EBI3: variants seen among roughly 807,000 people sequenced by gnomAD.
EBI3 encodes the protein Epstein-Barr virus induced 3.
In EBI3, 19 loss-of-function variants were observed where a neutral mutation model predicts 21.3. That is an observed-to-expected ratio of 0.89 (90% CI 0.62 to 1.31). The LOEUF (loss-of-function observed/expected upper bound fraction) is 1.31, where lower values mean the gene tolerates loss of function less well. Among genes scored for constraint, EBI3 ranks in the 50% most tolerant of loss-of-function variants. The pLI, the probability that EBI3 is intolerant of heterozygous loss-of-function variation, is 0.00. For synonymous variants in EBI3, 154 were observed against 131.2 expected (o/e 1.17, Z -1.19); for missense variants, 331 against 314.0 (o/e 1.05, Z -0.41).
rs1160636219 is a variant in EBI3, at chr19:4,233,156, C to T, written c.228C>T (p.Ser76=). The T allele has an allele frequency of 5.0e-6, 8 of 1,602,450 alleles. No homozygotes were observed. The highest frequency in any genetic ancestry group is 6.8e-6 in the Non-Finnish European group (8 of 1,178,718). ...YRLGMAARGH[S]WPCLQQTPTS... The stretch of plus-strand genomic sequence containing the variant: ...TCGGCATGGCTGCCCGGGGCCACAG[C>T]TGGCCCTGCCTGCAGCAGACGCCAA... The change falls in exon 3 of 5, where the codon AGC becomes AGT. Residue 76 remains serine, a synonymous_variant. Transcript: ENST00000221847.
intron 2 of EBI3, among the ~76,000 whole-genome samples, chr19:4,232,241 A>AAAAAAAAAG (rs1970790876): frequency 1.1e-5 from 1 of 93,486 alleles, no homozygotes; most frequent in Non-Finnish European, 2.1e-5. Flanking sequence ...AAAAAAAAAA[A>AAAAAAAAAG]AAAAGAAAAG....
Position 4,237,114 on chromosome 19 carries a change from A to G in EBI3, c.*26A>G. 1 of 1,468,406 alleles carries G rather than the reference A, an allele frequency of 6.8e-7. No homozygotes were observed. Among genetic ancestry groups the G allele is most frequent in the Non-Finnish European group, 9.1e-7 (1 of 1,101,006 alleles). 91.0% of individuals were successfully genotyped at this position (1,468,406 alleles called of 1,614,324 possible). A position where few individuals can be genotyped will look rare whatever the true frequency, so the allele number is the denominator to read the frequency against. On this transcript the variant is annotated 3_prime_UTR_variant, in exon 5 of 5. Coordinates refer to ENST00000221847, the MANE Select transcript of EBI3 (RefSeq NM_005755.3). ...CAAGGGCTTCCCGCTGCCTCCAGAC[A>G]GCACCTGGGTCCTCGCCACCCTAAG...
chr19:4,235,820 A>G (rs1351110061), intron 4 of EBI3, among the ~76,000 whole-genome samples: 1 of 152,168 alleles, frequency 6.6e-6, no homozygotes, highest in Non-Finnish European at 1.5e-5. Flanking sequence ...CCCCAGTTAC[A>G]AGAGGCTGAG....
chr19:4,234,550 G>A (rs1023483077), intron 3 of EBI3, 117 bp from the exon 4 acceptor site: 3 of 1,469,420 alleles, frequency 2.0e-6, no homozygotes, highest in Non-Finnish European at 2.7e-6. Context: ...GTGACAGAGT[G>A]AGACTCCGTT....
At chr19:4,229,714 C>CCGTG in intron 1 of EBI3, 97 bp downstream of exon 1, 1 of 1,298,084 alleles carries the variant, frequency 7.7e-7, no homozygotes. Flanking sequence ...TCACATCCTC[C>CCGTG]CGTGCCCAAT....
chr19:4,237,105 C>T lies in EBI3; in HGVS notation c.*17C>T, dbSNP rs1970847439. The T allele has an allele frequency of 6.7e-7, 1 of 1,489,626 alleles. No homozygotes were observed. Among genetic ancestry groups the T allele is most frequent in the Non-Finnish European group, 9.0e-7 (1 of 1,113,356 alleles). The allele number at this position is 1,489,626 out of a possible 1,614,324, so 92.3% of individuals were successfully genotyped here. ...GGCAAGTAGCAAGGGCTTCCCGCTG[C>T]CTCCAGACAGCACCTGGGTCCTCGC... is the stretch of plus-strand genomic sequence containing the variant. On this transcript the variant is annotated 3_prime_UTR_variant, in exon 5 of 5. Coordinates refer to ENST00000221847, the MANE Select transcript of EBI3 (RefSeq NM_005755.3).
In EBI3 at chr19:4,233,105, C is replaced by T; in HGVS notation, c.201-24C>T. 2.6e-6 allele frequency: 4 copies of T among 1,547,314 alleles called. 1 individual carries two copies. Among genetic ancestry groups the T allele is most frequent in the Non-Finnish European group, 3.5e-6 (4 of 1,155,096 alleles). ...GAGGCCACAGGCACTCCCTGAGGCG[C>T]TCAGCGAGCCCCACCCTGTGCAGGC... On this transcript the variant is annotated intron_variant, in intron 2 of 4. Transcript: ENST00000221847.
rs139324370 is a variant in EBI3 at position 4,237,089 on chromosome 19, C to A, written c.*1C>A. The A allele has an allele frequency of 1.3e-4, 194 of 1,513,574 alleles. No individual in the cohort carries two copies. Among genetic ancestry groups the A allele is most frequent in the Non-Finnish European group, 1.7e-4 (191 of 1,126,050 alleles). The allele number at this position is 1,513,574 out of a possible 1,614,324, so 93.8% of individuals were successfully genotyped here. A position where few individuals can be genotyped will look rare whatever the true frequency, so the allele number is the denominator to read the frequency against. The stretch of plus-strand genomic sequence containing the variant: ...TGCCACAATGAGCCTGGGCAAGTAG[C>A]AAGGGCTTCCCGCTGCCTCCAGACA... On this transcript the variant is annotated 3_prime_UTR_variant, in exon 5 of 5. Transcript: ENST00000221847.
At position 4,231,320 on chromosome 19, in the gene EBI3, A is replaced by G. The variant is rs772358737; in HGVS notation, c.197A>G (p.Tyr66Cys). 5 of 1,608,522 alleles carry G rather than the reference A, an allele frequency of 3.1e-6. No individual in the cohort carries two copies. The South Asian group carries it at 4.4e-5, about 14-fold the overall frequency. ...STSPVSFIAT[Y>C]RLGMAARGHS... ...AGCCCCGTGTCCTTCATTGCCACGT[A>G]CAGGTCGGAGAGCCTGGAAGGGGGC... The change falls in exon 2 of 5, where the codon TAC becomes TGC. Residue 66 changes from tyrosine to cysteine, a missense_variant. Coordinates refer to ENST00000221847, the MANE Select transcript of EBI3 (RefSeq NM_005755.3).
At position 4,231,200 on chromosome 19, in the gene EBI3, C is replaced by A; in HGVS notation, c.77C>A (p.Ala26Glu). Residue 26 changes from alanine (A) to glutamate (E), a missense_variant, in exon 2 of 5, where the codon GCA becomes GAA. Transcript: ENST00000221847. ...TTCTGTCTTCCTCCAGGGCCCCCAG[C>A]AGCTCTGACACTGCCCCGGGTGCAA... Reference protein sequence around the residue: ...PPCSGRKGPPAALTLPRVQCR... With the variant: ...PPCSGRKGPPEALTLPRVQCR... The A allele has an allele frequency of 4.4e-6, 7 of 1,591,194 alleles. No individual in the cohort carries two copies. The highest frequency in any genetic ancestry group is 5.1e-6 in the Non-Finnish European group (6 of 1,170,592).
intron 3 of EBI3, among the ~76,000 whole-genome samples, chr19:4,233,820 A>G (rs1970813185): frequency 6.6e-6 from 1 of 152,076 alleles, no homozygotes; most frequent in Non-Finnish European, 1.5e-5. Flanking sequence ...CCTTCCCCCA[A>G]ATGTCCCCAT....
Position 4,231,299 on chromosome 19 carries a change from C to T in EBI3, c.176C>T (p.Pro59Leu). The change falls in exon 2 of 5, where the codon CCC (proline) becomes CTC (leucine). Residue 59 changes from proline to leucine, a missense_variant. Pro to Leu is a moderately conservative substitution (Grantham distance 98, BLOSUM62 -3). Coordinates refer to ENST00000221847, the MANE Select transcript of EBI3 (RefSeq NM_005755.3). ...CCGCCTGCTCCAAACTCCACCAGCC[C>T]CGTGTCCTTCATTGCCACGTACAGG... ...TLPPAPNSTS[P>L]VSFIATYRLG... is the part of the protein sequence containing the mutation. 6.2e-7 allele frequency: 1 copy of T among 1,612,450 alleles called. No homozygotes were observed.
At chr19:4,235,709 C>T (rs1246963956) in intron 4 of EBI3, among the ~76,000 whole-genome samples, 3 of 152,132 alleles carry the variant, frequency 2.0e-5, no homozygotes, top group African/African-American at 7.2e-5. Flanking sequence ...GGGAGGATTG[C>T]TTGAGTCCAG....
At position 4,236,915 on chromosome 19, in the gene EBI3, T is replaced by C. The variant is rs758915663; in HGVS notation, c.538-21T>C. 112 of 1,483,732 alleles carry C rather than the reference T, an allele frequency of 7.5e-5. 1 individual carries two copies. In the East Asian group the frequency reaches 2.7e-3, roughly 36 times the overall value. 91.9% of individuals were successfully genotyped at this position (1,483,732 alleles called of 1,614,324 possible). Reference sequence around the variant, plus strand: ...TCTCCATCTTCTGGTTCTAGTGACCTGACGCTCTCTCTTCTCTCAGGTGGG... The same window carrying C: ...TCTCCATCTTCTGGTTCTAGTGACCCGACGCTCTCTCTTCTCTCAGGTGGG... On this transcript the variant is annotated intron_variant, in intron 4 of 4. Transcript: ENST00000221847.
At chr19:4,236,819 C>G in intron 4 of EBI3, 117 bp from the exon 5 acceptor site, 1 of 1,244,520 alleles carries the variant, frequency 8.0e-7, no homozygotes, top group Middle Eastern at 2.1e-4. Flanking sequence ...GGGCCAGAGT[C>G]CTGGACTGGA....
intron 2 of EBI3, among the ~76,000 whole-genome samples, chr19:4,232,206 G>A (rs1970789328): frequency 9.2e-6 from 1 of 108,990 alleles, no homozygotes; most frequent in African/African-American, 3.6e-5. Flanking sequence ...CCTGGTGATA[G>A]AGTGAGACCC....
At chr19:4,236,494 C>T (rs926530959) in intron 4 of EBI3, among the ~76,000 whole-genome samples, 12 of 103,594 alleles carry the variant, frequency 1.2e-4, no homozygotes, top group African/African-American at 4.6e-4. Context: ...GCACTCCAGC[C>T]TGGGCAACAG....
At chr19:4,232,549 C>CT (rs201741420) in intron 2 of EBI3, among the ~76,000 whole-genome samples, 2 of 150,828 alleles carry the variant, frequency 1.3e-5, no homozygotes, top group East Asian at 2.0e-4. Context: ...GAGACCCCCC[C>CT]CCATCTGTAG....
At chr19:4,236,861 C>T (rs117362192) in intron 4 of EBI3, 75 bp from the exon 5 acceptor site, 68,715 of 1,396,026 alleles carry the variant, frequency 0.049, 2,032 homozygotes, top group Non-Finnish European at 0.055. Context: ...CTGCACGCTC[C>T]GTTGTGTGGT....
Sources: allele counts gnomAD v4.1 joint callset (sites outside exome capture counted in the v4.1 genomes callset), GRCh38; gene constraint gnomAD v4.1.1; transcripts MANE v1.5; gene names NCBI Gene and HGNC (gene_info 2026-07-23, HGNC 2026-07-21).